The following C8orf34 variants were observed in gnomAD, a reference collection of about 807,000 sequenced individuals.
The protein encoded by C8orf34 is uncharacterized protein C8orf34.
Under a neutral mutation model 68.3 loss-of-function variants are expected in C8orf34, and 65 were observed. The ratio of observed to expected loss-of-function variants is 0.95; its 90% confidence interval spans 0.78 to 1.17. The LOEUF (loss-of-function observed/expected upper bound fraction) is 1.17. Ranked by LOEUF, C8orf34 falls within the 50% of genes most tolerant of loss-of-function variation. The pLI is 0.00. For missense variants in C8orf34, 664 were observed against 655.4 expected (o/e 1.01, Z -0.14); for synonymous variants, 244 against 241.2 (o/e 1.01, Z -0.11).
chr8:68,449,949 G>C (rs752724136), intron 3 of C8orf34, among the ~76,000 whole-genome samples: 1 of 152,134 alleles, frequency 6.6e-6, no homozygotes, highest in African/African-American at 2.4e-5. Context: ...ATTGTACACA[G>C]AGTAGAACTT....
At chr8:68,540,798 C>T (rs1261726165) in intron 7 of C8orf34, among the ~76,000 whole-genome samples, 1 of 151,754 alleles carries the variant, frequency 6.6e-6, no homozygotes, top group Non-Finnish European at 1.5e-5. Context: ...GCCAAGATCA[C>T]GCCACTGCAC....
chr8:68,495,896 A>G (rs1366390987), intron 5 of C8orf34, among the ~76,000 whole-genome samples: 2 of 152,266 alleles, frequency 1.3e-5, no homozygotes, highest in East Asian at 1.9e-4. Context: ...ACTATTGTAT[A>G]GCCCATGCTA....
At position 68,611,538 on chromosome 8, in the gene C8orf34, A is replaced by G. The variant is rs141797089; in HGVS notation, c.1106-28838A>G. ...AAGCATTCATGTCATAGAAATTAAT[A>G]CACAGCATTATTTAAGTCAGATAGG... On this transcript the variant is annotated intron_variant, in intron 7 of 13. Transcript: ENST00000518698. 4.0e-4 allele frequency among the ~76,000 whole-genome samples: 61 copies of G among 152,298 alleles called. 1 individual carries two copies. The East Asian group carries it at 9.9e-3, about 25-fold the overall frequency.
chr8:68,366,352 C>T (rs1353470746), intron 1 of C8orf34, among the ~76,000 whole-genome samples: 1 of 137,518 alleles, frequency 7.3e-6, no homozygotes, highest in Non-Finnish European at 1.5e-5. Context: ...AATGTCATCC[C>T]CATCAAGCTA....
chr8:68,787,433 T>C lies in C8orf34; in HGVS notation c.1456-10T>C, dbSNP rs1405521916. On this transcript the variant is annotated splice_polypyrimidine_tract_variant and intron_variant, in intron 11 of 13. Transcript: ENST00000518698. ...AGAGTTTAATCTAAAATAAATGTGT[T>C]CTTTTGCAGGATGAATCCTTAAAGC... is the stretch of plus-strand genomic sequence containing the variant. 3 of 1,600,444 alleles carry C rather than the reference T, an allele frequency of 1.9e-6. No individual in the cohort carries two copies. The highest frequency in any genetic ancestry group is 3.4e-5 in the Admixed American group (2 of 59,266).
intron 12 of C8orf34, chr8:68,791,082 G>T: frequency 1.8e-6 from 1 of 571,128 alleles, no homozygotes; most frequent in Non-Finnish European, 3.1e-6. Context: ...ACATGGAGAA[G>T]ACATGCAAGA....
At chr8:68,404,250 T>C (rs958452913) in intron 1 of C8orf34, among the ~76,000 whole-genome samples, 1 of 151,608 alleles carries the variant, frequency 6.6e-6, no homozygotes, top group African/African-American at 2.4e-5. Flanking sequence ...ATTTGTTTAC[T>C]TTCCTCATAG....
At chr8:68,612,853 T>C (rs1320278337) in intron 7 of C8orf34, among the ~76,000 whole-genome samples, 1 of 152,148 alleles carries the variant, frequency 6.6e-6, no homozygotes, top group Non-Finnish European at 1.5e-5. Flanking sequence ...ATAGATCTGT[T>C]TGAATTAATA....
At chr8:68,734,011 T>C (rs1822056413) in intron 10 of C8orf34, among the ~76,000 whole-genome samples, 1 of 152,178 alleles carries the variant, frequency 6.6e-6, no homozygotes, top group African/African-American at 2.4e-5. Context: ...ATTTTCAAGT[T>C]TCACTAATTT....
At position 68,711,102 on chromosome 8, in the gene C8orf34, T is replaced by C. The variant is rs571527385; in HGVS notation, c.1327+2023T>C. 8.5e-5 allele frequency among the ~76,000 whole-genome samples: 13 copies of C among 152,232 alleles called. No homozygotes were observed. In the South Asian group the frequency reaches 2.5e-3, roughly 29 times the overall value. ...ACAGTTCAGCTCTCAGGAAGCCTCA[T>C]TCCTAGGGGAAGGGGGAGAACACAA... On this transcript the variant is annotated intron_variant, in intron 9 of 13. Transcript: ENST00000518698.
chr8:68,489,220 T>C (rs932252674), intron 5 of C8orf34, among the ~76,000 whole-genome samples: 1 of 152,180 alleles, frequency 6.6e-6, no homozygotes, highest in African/African-American at 2.4e-5. Flanking sequence ...ACATCAGATG[T>C]GTAGCTGGAA....
In C8orf34 at chr8:68,810,389, G is replaced by C. The variant is rs116162557; in HGVS notation, c.1550-5497G>C. On this transcript the variant is annotated intron_variant, in intron 12 of 13. Coordinates refer to ENST00000518698, the MANE Select transcript of C8orf34 (RefSeq NM_052958.4). Reference sequence around the variant, plus strand: ...TGCTGGCAGTGAAGAATGTGGTGGTGCCTGTAATCTTGGAGATGCCAGGAA... The same window carrying C: ...TGCTGGCAGTGAAGAATGTGGTGGTCCCTGTAATCTTGGAGATGCCAGGAA... Among the ~76,000 whole-genome samples, 1,494 of 152,060 alleles carry C rather than the reference G, an allele frequency of 9.8e-3. 24 individuals are homozygous for C. Among genetic ancestry groups the C allele is most frequent in the African/African-American group, 0.034 (1,428 of 41,406 alleles).
chr8:68,621,095 A>G (rs1316573567), intron 7 of C8orf34, among the ~76,000 whole-genome samples: 1 of 152,196 alleles, frequency 6.6e-6, no homozygotes, highest in Non-Finnish European at 1.5e-5. Flanking sequence ...ATAATTTCAA[A>G]AGTTCTAGGA....
At chr8:68,389,422 A>C (rs1326813039) in intron 1 of C8orf34, among the ~76,000 whole-genome samples, 1 of 152,194 alleles carries the variant, frequency 6.6e-6, no homozygotes, top group Non-Finnish European at 1.5e-5. Context: ...AGGTACAAAA[A>C]AATAAGAATC....
intron 7 of C8orf34, among the ~76,000 whole-genome samples, chr8:68,609,980 G>A (rs1373318656): frequency 6.6e-6 from 1 of 152,116 alleles, no homozygotes; most frequent in South Asian, 2.1e-4. Context: ...TGCAATTAGG[G>A]ATAGATAAGG....
chr8:68,493,319 T>A (rs974015670), intron 5 of C8orf34, among the ~76,000 whole-genome samples: 1 of 152,056 alleles, frequency 6.6e-6, no homozygotes, highest in Admixed American at 6.5e-5. Flanking sequence ...GGGCAAAGGA[T>A]TGAGTAGACA....
At chr8:68,436,260 A>G (rs1810661859) in intron 1 of C8orf34, among the ~76,000 whole-genome samples, 1 of 152,096 alleles carries the variant, frequency 6.6e-6, no homozygotes, top group South Asian at 2.1e-4. Flanking sequence ...GATTTCAAAG[A>G]CTGAGTGTCT....
intron 3 of C8orf34, among the ~76,000 whole-genome samples, chr8:68,467,374 G>T (rs1048666111): frequency 2.0e-5 from 3 of 151,928 alleles, no homozygotes; most frequent in Non-Finnish European, 4.4e-5. Flanking sequence ...GCCAAACCCT[G>T]CCCAAAGAAT....
chr8:68,476,747 T>C (rs1027309979), intron 4 of C8orf34, among the ~76,000 whole-genome samples: 49 of 152,186 alleles, frequency 3.2e-4, no homozygotes, highest in African/African-American at 1.1e-3. Context: ...ATATATCCTA[T>C]GTTCACTTTG....
Sources: gnomAD v4.1 joint callset for allele counts (sites outside exome capture counted in the v4.1 genomes callset) on GRCh38, gnomAD v4.1.1 for gene constraint, MANE v1.5 for transcripts, NCBI Gene and HGNC (gene_info 2026-07-23, HGNC 2026-07-21) for gene names.